Variants in FRMPD4 observed in about 807,000 individuals in gnomAD.
FRMPD4 encodes the protein FERM and PDZ domain containing 4, also known as FERM and PDZ domain-containing protein 4.
FRMPD4 carries 22 observed loss-of-function variants against 94.1 expected under a neutral mutation model. That is an observed-to-expected ratio of 0.23 (90% CI 0.17 to 0.33). The LOEUF (loss-of-function observed/expected upper bound fraction) is 0.33, where lower values mean the gene tolerates loss of function less well. Among genes scored for constraint, FRMPD4 ranks in the 10% least tolerant of loss-of-function variants. FRMPD4 has a pLI of 1.00. For missense variants in FRMPD4, 1,111 were observed against 1,339.9 expected, an observed-to-expected ratio of 0.83 and a Z score of 2.67; for synonymous variants, 631 against 548.6, an observed-to-expected ratio of 1.15 and a Z score of -2.10.
chrX:11,908,411 A>G (rs897611609), intron 3 of FRMPD4, among the ~76,000 whole-genome samples: 3 of 111,939 alleles, frequency 2.7e-5, no homozygotes, highest in African/African-American at 9.7e-5. Flanking sequence ...TCTGATTTCT[A>G]GCTAGTCTGC....
At chrX:12,647,882 C>T (rs1178040782) in intron 4 of FRMPD4, among the ~76,000 whole-genome samples, 2 of 111,784 alleles carry the variant, frequency 1.8e-5, no homozygotes, top group Non-Finnish European at 3.8e-5. Context: ...TGACTTCAGA[C>T]TTTCTCTGAA....
At chrX:11,826,022 G>A (rs2053441868) in intron 1 of FRMPD4, among the ~76,000 whole-genome samples, 1 of 112,386 alleles carries the variant, frequency 8.9e-6, no homozygotes, top group Non-Finnish European at 1.9e-5. Context: ...ATCAATATAT[G>A]TTTAAGCTAA....
intron 1 of FRMPD4, among the ~76,000 whole-genome samples, chrX:12,350,565 C>A (rs910473422): frequency 8.9e-6 from 1 of 112,043 alleles, no homozygotes; most frequent in Non-Finnish European, 1.9e-5. Context: ...CTCATAGTCT[C>A]ATATTTAATT....
At chrX:12,052,191 C>T (rs1026871722) in intron 3 of FRMPD4, among the ~76,000 whole-genome samples, 7 of 111,663 alleles carry the variant, frequency 6.3e-5, no homozygotes, top group Non-Finnish European at 1.3e-4. Flanking sequence ...TTTTACCAGG[C>T]TCCTTATTCT....
At chrX:11,841,320 A>G (rs1488371689) in intron 1 of FRMPD4, among the ~76,000 whole-genome samples, 1 of 110,913 alleles carries the variant, frequency 9.0e-6, no homozygotes, top group Non-Finnish European at 1.9e-5. Flanking sequence ...AGGAATCGCC[A>G]CACTGACTTC....
chrX:12,299,714 A>G (rs5978510), intron 1 of FRMPD4, among the ~76,000 whole-genome samples: 6,345 of 111,929 alleles, frequency 0.057, 471 homozygotes, highest in African/African-American at 0.19. Flanking sequence ...GAAATGCACA[A>G]ATGAACCAAA....
chrX:12,302,642 C>T, intron 1 of FRMPD4, among the ~76,000 whole-genome samples: 1 of 111,372 alleles, frequency 9.0e-6, no homozygotes, highest in Non-Finnish European at 1.9e-5. Flanking sequence ...CAAGTCTATT[C>T]CTTATACTTG....
chrX:12,695,453 G>A (rs1012223351), intron 9 of FRMPD4, among the ~76,000 whole-genome samples: 1 of 111,191 alleles, frequency 9.0e-6, no homozygotes, highest in Non-Finnish European at 1.9e-5. Flanking sequence ...CACCCAGGCT[G>A]GAGTGCAATG....
intron 3 of FRMPD4, among the ~76,000 whole-genome samples, chrX:12,108,273 A>G (rs1489535751): frequency 1.6e-4 from 18 of 111,987 alleles, no homozygotes; most frequent in Middle Eastern, 4.6e-3. Context: ...AATATTCAAC[A>G]TTCTTAAAGA....
In FRMPD4 at chrX:12,718,415, A is replaced by C; in HGVS notation, c.3589A>C (p.Lys1197Gln). 8 of 1,211,278 alleles carry C rather than the reference A, an allele frequency of 6.6e-6. No homozygotes were observed. Among genetic ancestry groups the C allele is most frequent in the Non-Finnish European group, 8.9e-6 (8 of 894,920 alleles). Reference sequence around the variant, plus strand: ...CCGCCTTTGTGACTACCACTTGGCCAAGCGGATGTCATCACTGCAAAGCGA... The same window carrying C: ...CCGCCTTTGTGACTACCACTTGGCCCAGCGGATGTCATCACTGCAAAGCGA... ...VARLCDYHLA[K>Q]RMSSLQSEGH... The change falls in exon 16 of 17, where the codon AAG becomes CAG. Residue 1197 changes from lysine (K) to glutamine (Q), a missense_variant. Physicochemically the swap from Lys to Gln is moderately conservative, Grantham distance 53. Transcript: ENST00000675598.
chrX:12,630,097 G>A (rs1269391645), intron 4 of FRMPD4, among the ~76,000 whole-genome samples: 1 of 112,330 alleles, frequency 8.9e-6, no homozygotes, highest in Admixed American at 9.4e-5. Context: ...ACAGGAACCA[G>A]AGTGACTTCA....
intron 1 of FRMPD4, among the ~76,000 whole-genome samples, chrX:11,840,543 T>C (rs983439692): frequency 1.8e-5 from 2 of 109,074 alleles, no homozygotes; most frequent in Non-Finnish European, 3.8e-5. Flanking sequence ...TATGTGAATA[T>C]GTGTTTAGTC....
At chrX:12,578,251 AG>A (rs2058830760) in intron 2 of FRMPD4, among the ~76,000 whole-genome samples, 2 of 112,820 alleles carry the variant, frequency 1.8e-5, no homozygotes, top group Non-Finnish European at 3.7e-5. Flanking sequence ...TATGCCTGGG[AG>A]GTCCCAATCT....
rs2058888194 is a variant in FRMPD4, at chrX:12,583,359, C to A, written c.159-26362C>A. 10 of 749,003 alleles carry A rather than the reference C, an allele frequency of 1.3e-5. No homozygotes were observed. The South Asian group carries it at 2.4e-4, about 18-fold the overall frequency. The allele number at this position is 749,003 out of a possible 1,213,427, so 61.7% of individuals were successfully genotyped here. ...TTTTGGGGGAAAGGGATGAGAGCCC[C>A]AGGCCGGCTGAGACGGCCGGTCCAG... On this transcript the variant is annotated intron_variant, in intron 2 of 16. Transcript: ENST00000675598.
At chrX:12,585,006 C>A (rs757496290) in intron 2 of FRMPD4, among the ~76,000 whole-genome samples, 1 of 111,215 alleles carries the variant, frequency 9.0e-6, no homozygotes, top group Admixed American at 9.5e-5. Context: ...CTGCAACCTC[C>A]GCCTTCCGAG....
At chrX:12,271,261 C>T (rs928003250) in intron 1 of FRMPD4, among the ~76,000 whole-genome samples, 3 of 111,926 alleles carry the variant, frequency 2.7e-5, no homozygotes, top group Non-Finnish European at 5.6e-5. Flanking sequence ...CTACAGCTAG[C>T]GGATATTCAC....
intron 3 of FRMPD4, among the ~76,000 whole-genome samples, chrX:12,096,831 G>A (rs914785403): frequency 3.6e-5 from 4 of 111,469 alleles, no homozygotes; most frequent in Admixed American, 9.6e-5. Flanking sequence ...AGGCTGCAGT[G>A]AACTATGATC....
intron 1 of FRMPD4, among the ~76,000 whole-genome samples, chrX:12,168,327 G>A (rs2214178): frequency 0.077 from 7,896 of 101,990 alleles, 897 homozygotes; most frequent in East Asian, 0.63. Context: ...TGTTATGTCA[G>A]ATGGCTTATC....
intron 3 of FRMPD4, among the ~76,000 whole-genome samples, chrX:12,063,940 T>G (rs952750047): frequency 4.4e-5 from 5 of 112,754 alleles, no homozygotes; most frequent in African/African-American, 1.3e-4. Flanking sequence ...GGATTCACTT[T>G]TGTTTTGATA....
Sources: allele counts gnomAD v4.1 joint callset (sites outside exome capture counted in the v4.1 genomes callset), GRCh38; gene constraint gnomAD v4.1.1; transcripts MANE v1.5; gene names NCBI Gene and HGNC (gene_info 2026-07-23, HGNC 2026-07-21).